Variants in GALNT17 observed in about 807,000 individuals in gnomAD.
GALNT17 encodes polypeptide N-acetylgalactosaminyltransferase 17, also known as UDP-GalNAc:polypeptide N-acetylgalactosaminyltransferase-like 3.
A neutral mutation model predicts 63.7 loss-of-function variants in GALNT17; 29 were observed. The observed-to-expected ratio is 0.46, with a 90% CI of 0.34 to 0.62. The LOEUF (loss-of-function observed/expected upper bound fraction) is 0.62. GALNT17 is among the 20% of genes least tolerant of loss of function. GALNT17 has a pLI of 0.01. For synonymous variants in GALNT17, 305 were observed against 318.3 expected (o/e 0.96, Z 0.45); for missense variants, 603 against 799.6 (o/e 0.75, Z 2.97).
At chr7:71,428,168 G>T (rs1280853900) in intron 5 of GALNT17, among the ~76,000 whole-genome samples, 1 of 152,108 alleles carries the variant, frequency 6.6e-6, no homozygotes, top group African/African-American at 2.4e-5. Flanking sequence ...TCCCAGTGTT[G>T]TGCAACTATC....
At chr7:71,206,859 A>G (rs1202255803) in intron 1 of GALNT17, among the ~76,000 whole-genome samples, 1 of 151,976 alleles carries the variant, frequency 6.6e-6, no homozygotes, top group Admixed American at 6.6e-5. Context: ...TAATCCCAGC[A>G]CTTTGGGAGG....
intron 6 of GALNT17, among the ~76,000 whole-genome samples, chr7:71,575,138 C>G (rs1789515043): frequency 6.6e-6 from 1 of 152,136 alleles, no homozygotes; most frequent in Admixed American, 6.6e-5. Flanking sequence ...TACTACTTCT[C>G]CTTTCATTTT....
At chr7:71,524,106 G>A (rs527774175) in intron 5 of GALNT17, among the ~76,000 whole-genome samples, 8 of 151,214 alleles carry the variant, frequency 5.3e-5, no homozygotes, top group African/African-American at 1.9e-4. Flanking sequence ...GACAGAGCGA[G>A]AATGTGTCTC....
intron 6 of GALNT17, among the ~76,000 whole-genome samples, chr7:71,608,915 G>T (rs1337291620): frequency 6.6e-6 from 1 of 151,640 alleles, no homozygotes; most frequent in Non-Finnish European, 1.5e-5. Flanking sequence ...AGTAGCTGGG[G>T]ACTATAGGTG....
intron 1 of GALNT17, among the ~76,000 whole-genome samples, chr7:71,249,341 G>A (rs1790156129): frequency 6.6e-6 from 1 of 152,020 alleles, no homozygotes. Flanking sequence ...ACATGTCAGT[G>A]GTCCCCCCAT....
intron 6 of GALNT17, among the ~76,000 whole-genome samples, chr7:71,573,184 A>AT (rs1304591013): frequency 1.3e-5 from 2 of 150,306 alleles, no homozygotes; most frequent in Non-Finnish European, 3.0e-5. Context: ...AATTTTTTAT[A>AT]TTTTTAGTAG....
chr7:71,588,907 C>A (rs1023180544), intron 6 of GALNT17, among the ~76,000 whole-genome samples: 1 of 152,088 alleles, frequency 6.6e-6, no homozygotes, highest in Admixed American at 6.5e-5. Flanking sequence ...CCCCAAATTA[C>A]CCTATTGATT....
intron 1 of GALNT17, among the ~76,000 whole-genome samples, chr7:71,299,212 CG>C (rs989607978): frequency 5.3e-5 from 8 of 152,144 alleles, no homozygotes; most frequent in African/African-American, 1.7e-4. Context: ...CCTTGACCCC[CG>C]GTGCAATCAG....
chr7:71,525,834 G>C (rs544426011), intron 5 of GALNT17, among the ~76,000 whole-genome samples: 1 of 148,970 alleles, frequency 6.7e-6, no homozygotes, highest in East Asian at 2.0e-4. Context: ...CCACCTTCCA[G>C]GTTCAAGTGA....
At chr7:71,484,908 C>T (rs1787884881) in intron 5 of GALNT17, among the ~76,000 whole-genome samples, 1 of 145,584 alleles carries the variant, frequency 6.9e-6, no homozygotes, top group Non-Finnish European at 1.5e-5. Flanking sequence ...AAGCAGTTCT[C>T]CTACCTCAAC....
chr7:71,478,744 G>T (rs1583988160), intron 5 of GALNT17, among the ~76,000 whole-genome samples: 1 of 152,124 alleles, frequency 6.6e-6, no homozygotes, highest in East Asian at 1.9e-4. Flanking sequence ...ACAAAGGTCT[G>T]TGAAGATAGG....
chr7:71,335,030 G>A (rs983355031), intron 1 of GALNT17, among the ~76,000 whole-genome samples: 5 of 152,110 alleles, frequency 3.3e-5, no homozygotes, highest in African/African-American at 1.2e-4. Flanking sequence ...CATTTCCTAT[G>A]TCCTCTTTCG....
Position 71,592,222 on chromosome 7 carries a change from A to G in GALNT17, c.1080+20820A>G, listed in dbSNP as rs530533758. Among the ~76,000 whole-genome samples the G allele has an allele frequency of 3.3e-5, 5 of 152,272 alleles. No individual in the cohort carries two copies. In the South Asian group the frequency reaches 8.3e-4, roughly 25 times the overall value. On this transcript the variant is annotated intron_variant, in intron 6 of 10. Coordinates refer to ENST00000333538, the MANE Select transcript of GALNT17 (RefSeq NM_022479.3). ...GAGAGCCAGGAAGACCAGAGGAAAAATGATGGACCAGGCCAAGCGATGCAG... is the reference window on the plus strand; with the variant it reads ...GAGAGCCAGGAAGACCAGAGGAAAAGTGATGGACCAGGCCAAGCGATGCAG...
intron 5 of GALNT17, among the ~76,000 whole-genome samples, chr7:71,556,544 CG>C (rs764922419): frequency 5.3e-5 from 8 of 152,016 alleles, no homozygotes; most frequent in Non-Finnish European, 7.4e-5. Context: ...AACTCACCCT[CG>C]GCATCATCTT....
At chr7:71,305,927 T>C (rs1312192294) in intron 1 of GALNT17, among the ~76,000 whole-genome samples, 2 of 152,158 alleles carry the variant, frequency 1.3e-5, no homozygotes, top group Non-Finnish European at 2.9e-5. Context: ...AATTAAAAAA[T>C]TTCTAATTAG....
At chr7:71,652,468 C>T (rs1790767563) in intron 6 of GALNT17, among the ~76,000 whole-genome samples, 1 of 152,110 alleles carries the variant, frequency 6.6e-6, no homozygotes, top group Non-Finnish European at 1.5e-5. Flanking sequence ...CAGAGAGAAA[C>T]GCTGAGGAAA....
chr7:71,395,032 G>A (rs948340747), intron 3 of GALNT17, among the ~76,000 whole-genome samples: 2 of 152,026 alleles, frequency 1.3e-5, no homozygotes, highest in East Asian at 3.9e-4. Context: ...AACCTGGGAG[G>A]CGGAAGTTGC....
rs1789823872 is a variant in GALNT17, at chr7:71,592,563, CTAAA to C, written c.1080+21162_1080+21165del. Among the ~76,000 whole-genome samples, 644 of 69,942 alleles carry C rather than the reference CTAAA, an allele frequency of 9.2e-3. 11 individuals carry two copies. The highest frequency in any genetic ancestry group is 0.03 in the East Asian group (73 of 2,408). 45.9% of individuals were successfully genotyped at this position (69,942 alleles called of 152,430 possible). On this transcript the variant is annotated intron_variant, in intron 6 of 10. Coordinates refer to ENST00000333538, the MANE Select transcript of GALNT17 (RefSeq NM_022479.3). ...AAATAAAATAGCATAGCATAGCATA[CTAAA>C]ATAAAATAAAATAAAATAAAATAAA...
chr7:71,417,005 TC>T (rs1786545523), intron 4 of GALNT17, among the ~76,000 whole-genome samples: 3 of 152,186 alleles, frequency 2.0e-5, no homozygotes, highest in African/African-American at 7.2e-5. Flanking sequence ...AATAGGACTT[TC>T]CAGTTTTAAA....
Sources: allele counts gnomAD v4.1 joint callset (sites outside exome capture counted in the v4.1 genomes callset), GRCh38; gene constraint gnomAD v4.1.1; transcripts MANE v1.5; gene names NCBI Gene and HGNC (gene_info 2026-07-23, HGNC 2026-07-21).